Variants in PCDH11X observed in about 807,000 individuals in gnomAD.
PCDH11X encodes the protein protocadherin-11 X-linked.
In PCDH11X, 18 loss-of-function variants were observed where a neutral mutation model predicts 53.3. That is an observed-to-expected ratio of 0.34 (90% confidence interval 0.23 to 0.50). The LOEUF (loss-of-function observed/expected upper bound fraction) is 0.50. Among genes scored for constraint, PCDH11X ranks in the 20% least tolerant of loss-of-function variants. The pLI is 0.98. For synonymous variants in PCDH11X, 279 were observed against 393.3 expected, an observed-to-expected ratio of 0.71 and a Z score of 3.44; for missense variants, 570 against 1,032.4, an observed-to-expected ratio of 0.55 and a Z score of 6.14.
chrX:92,192,590 G>A (rs186041084), intron 6 of PCDH11X, among the ~76,000 whole-genome samples: 5 of 110,723 alleles, frequency 4.5e-5, no homozygotes, highest in African/African-American at 6.6e-5. Flanking sequence ...CTCATGATCC[G>A]CCCACCTCGG....
intron 8 of PCDH11X, among the ~76,000 whole-genome samples, chrX:92,305,730 A>G (rs1212059828): frequency 9.1e-6 from 1 of 110,324 alleles, no homozygotes; most frequent in African/African-American, 3.3e-5. Context: ...TACCTAGAGG[A>G]AGCTGGCATA....
At chrX:91,866,023 C>G (rs993261663) in intron 5 of PCDH11X, among the ~76,000 whole-genome samples, 90 of 109,355 alleles carry the variant, frequency 8.2e-4, no homozygotes, top group Non-Finnish European at 1.5e-3. Context: ...CTGAAGCCAG[C>G]TGTCTAGAAA....
At chrX:92,108,843 G>A (rs1395966547) in intron 6 of PCDH11X, among the ~76,000 whole-genome samples, 1 of 111,154 alleles carries the variant, frequency 9.0e-6, no homozygotes, top group Non-Finnish European at 1.9e-5. Flanking sequence ...CCTAAATTAT[G>A]TCCTGTTAAG....
intron 6 of PCDH11X, among the ~76,000 whole-genome samples, chrX:92,027,473 A>C (rs996906847): frequency 9.0e-6 from 1 of 111,410 alleles, no homozygotes; most frequent in Non-Finnish European, 1.9e-5. Context: ...AAATAGCCCT[A>C]GGGTCCATGT....
chrX:92,500,709 GA>G (rs1360048129), intron 10 of PCDH11X, among the ~76,000 whole-genome samples: 3 of 104,424 alleles, frequency 2.9e-5, no homozygotes, highest in Non-Finnish European at 3.9e-5. Flanking sequence ...GAATCTCTGG[GA>G]TGCAGCTAAA....
intron 8 of PCDH11X, among the ~76,000 whole-genome samples, chrX:92,338,375 A>G (rs2069670990): frequency 9.0e-6 from 1 of 111,565 alleles, no homozygotes; most frequent in Non-Finnish European, 1.9e-5. Flanking sequence ...GGACTGTCAC[A>G]ATGTTCCTTT....
intron 9 of PCDH11X, among the ~76,000 whole-genome samples, chrX:92,408,797 C>T (rs1373550075): frequency 1.8e-5 from 2 of 108,575 alleles, no homozygotes; most frequent in African/African-American, 3.4e-5. Flanking sequence ...TTAGCCAGGA[C>T]GGTCTCGATC....
At chrX:92,431,804 C>T (rs898498546) in intron 9 of PCDH11X, among the ~76,000 whole-genome samples, 1 of 108,771 alleles carries the variant, frequency 9.2e-6, no homozygotes, top group African/African-American at 3.3e-5. Flanking sequence ...TCTAGAAGCT[C>T]ATCTTTTTTT....
At chrX:92,274,064 A>T (rs2068021996) in intron 8 of PCDH11X, among the ~76,000 whole-genome samples, 1 of 106,811 alleles carries the variant, frequency 9.4e-6, no homozygotes, top group Admixed American at 1.0e-4. Flanking sequence ...GACAGAAGAT[A>T]GTAGGGATGA....
At chrX:92,508,560 T>A (rs1438290346) in intron 10 of PCDH11X, among the ~76,000 whole-genome samples, 4 of 111,309 alleles carry the variant, frequency 3.6e-5, no homozygotes, top group African/African-American at 6.5e-5. Flanking sequence ...ATTACAGCCC[T>A]TTCAAAATTT....
chrX:92,095,114 C>T (rs2064114340), intron 6 of PCDH11X, among the ~76,000 whole-genome samples: 2 of 110,749 alleles, frequency 1.8e-5, no homozygotes, highest in Non-Finnish European at 3.8e-5. Context: ...TCCCCTAACC[C>T]CCAATCCCCA....
Position 91,877,732 on chromosome X carries a change from A to G in PCDH11X, c.1492A>G (p.Asn498Asp), listed in dbSNP as rs1229234127. Residue 498 changes from asparagine (N) to aspartate (D), a missense_variant, in exon 6 of 11, where the codon AAT becomes GAT. Around this residue, in one of 6 missense-constraint regions of PCDH11X, gnomAD observed 226 missense variants for 457.5 expected, o/e 0.49. Coordinates refer to ENST00000682573, the MANE Select transcript of PCDH11X (RefSeq NM_032968.5). ...VSAMDADSGP[N>D]AKINYLLGPD... ...TGCAATGGATGCAGACAGTGGGCCT[A>G]ATGCTAAGATCAATTACCTGCTAGG... The G allele has an allele frequency of 8.3e-7, 1 of 1,209,723 alleles. No individual in the cohort carries two copies. Among genetic ancestry groups the G allele is most frequent in the Non-Finnish European group, 1.1e-6 (1 of 895,158 alleles).
chrX:92,322,971 C>T (rs1250997307), intron 8 of PCDH11X, among the ~76,000 whole-genome samples: 1 of 111,892 alleles, frequency 8.9e-6, no homozygotes. Flanking sequence ...CAGGGAAAGA[C>T]CAATAACTTG....
intron 6 of PCDH11X, among the ~76,000 whole-genome samples, chrX:92,123,021 AC>A (rs2064799381): frequency 9.0e-6 from 1 of 111,449 alleles, no homozygotes; most frequent in African/African-American, 3.3e-5. Context: ...CTTTGCTTTA[AC>A]CATTTACCCT....
chrX:92,290,573 T>C (rs920716735), intron 8 of PCDH11X, among the ~76,000 whole-genome samples: 3 of 112,545 alleles, frequency 2.7e-5, no homozygotes, highest in Non-Finnish European at 3.7e-5. Context: ...GAAAATCAAG[T>C]GTTTGAAGAA....
chrX:92,132,160 C>T (rs2064986155), intron 6 of PCDH11X, among the ~76,000 whole-genome samples: 1 of 100,498 alleles, frequency 1.0e-5, no homozygotes, highest in Non-Finnish European at 2.0e-5. Flanking sequence ...TGGTGGGGGC[C>T]TGTAATCCCA....
intron 10 of PCDH11X, among the ~76,000 whole-genome samples, chrX:92,588,264 A>T (rs976734671): frequency 2.0e-4 from 19 of 95,088 alleles, no homozygotes; most frequent in South Asian, 1.1e-3. Flanking sequence ...AGCAACATTC[A>T]TTCACATCGA....
At chrX:92,084,091 AAACAACAACAACAACAAC>A (rs200977655) in intron 6 of PCDH11X, among the ~76,000 whole-genome samples, 1 of 108,053 alleles carries the variant, frequency 9.3e-6, no homozygotes, top group African/African-American at 3.5e-5. Context: ...ACTCTGTCAA[AAACAACAACAACAACAAC>A]AACAACAAAC....
At chrX:92,195,224 G>A (rs1035037808) in intron 6 of PCDH11X, among the ~76,000 whole-genome samples, 1 of 110,968 alleles carries the variant, frequency 9.0e-6, no homozygotes, top group Admixed American at 9.6e-5. Context: ...AGCTTTCTAA[G>A]GGTTAATTCA....
Sources: gnomAD v4.1 joint callset for allele counts (sites outside exome capture counted in the v4.1 genomes callset) on GRCh38, gnomAD v4.1.1 for gene constraint, gnomAD v4.1.1 regional missense constraint, MANE v1.5 for transcripts, NCBI Gene and HGNC (gene_info 2026-07-23, HGNC 2026-07-21) for gene names.